EEFSEC: variants seen among roughly 807,000 people sequenced by gnomAD.
EEFSEC encodes the protein eukaryotic elongation factor, selenocysteine-tRNA specific.
Under a neutral mutation model 42.1 loss-of-function variants are expected in EEFSEC, and 43 were observed. The observed-to-expected ratio is 1.02, with a 90% CI of 0.80 to 1.32. The LOEUF (loss-of-function observed/expected upper bound fraction) is 1.32, where lower values mean the gene tolerates loss of function less well. Among genes scored for constraint, EEFSEC ranks in the 40% most tolerant of loss-of-function variants. The pLI, the probability that EEFSEC is intolerant of heterozygous loss-of-function variation, is 0.00. For synonymous variants in EEFSEC, 354 were observed against 339.1 expected, an observed-to-expected ratio of 1.04 and a Z score of -0.48; for missense variants, 745 against 803.6, an observed-to-expected ratio of 0.93 and a Z score of 0.88.
the EEFSEC span, among the ~76,000 whole-genome samples, chr3:128,415,825 C>T: frequency 4.6e-5 from 7 of 152,308 alleles, no homozygotes; most frequent in South Asian, 2.1e-4. Context: ...AGGAGAGGAG[C>T]GGTTTTGGGA....
chr3:128,325,033 G>A (rs2067049065), intron 4 of EEFSEC, among the ~76,000 whole-genome samples: 1 of 152,188 alleles, frequency 6.6e-6, no homozygotes, highest in Non-Finnish European at 1.5e-5. Context: ...GCCAGTCCGT[G>A]CACTTGTTCT....
At chr3:128,299,576 C>A (rs2066744536) in intron 4 of EEFSEC, among the ~76,000 whole-genome samples, 2 of 152,134 alleles carry the variant, frequency 1.3e-5, no homozygotes, top group South Asian at 4.1e-4. Flanking sequence ...GTTGAGTGCT[C>A]TGTGAAGACA....
chr3:128,249,245 G>A (rs1437788310), intron 2 of EEFSEC, among the ~76,000 whole-genome samples: 1 of 152,152 alleles, frequency 6.6e-6, no homozygotes, highest in Non-Finnish European at 1.5e-5. Context: ...TCTGTCCAAA[G>A]AGTAACTGAA....
At chr3:128,235,118 G>A (rs2065994857) in intron 1 of EEFSEC, among the ~76,000 whole-genome samples, 1 of 151,960 alleles carries the variant, frequency 6.6e-6, no homozygotes, top group Non-Finnish European at 1.5e-5. Flanking sequence ...AGGTTGGAGT[G>A]CAGTGGCGTG....
intron 5 of EEFSEC, among the ~76,000 whole-genome samples, chr3:128,354,844 A>G: frequency 6.6e-6 from 1 of 152,220 alleles, no homozygotes; most frequent in African/African-American, 2.4e-5. Flanking sequence ...CTGCTATCCC[A>G]GGCTCTGATT....
intron 5 of EEFSEC, among the ~76,000 whole-genome samples, chr3:128,344,874 C>T (rs371095263): frequency 7.9e-5 from 12 of 152,224 alleles, no homozygotes; most frequent in Admixed American, 5.9e-4. Context: ...TATGTAAGAG[C>T]CGACTCTCAT....
chr3:128,378,170 C>T (rs995855223), intron 6 of EEFSEC, among the ~76,000 whole-genome samples: 2 of 152,172 alleles, frequency 1.3e-5, no homozygotes, highest in African/African-American at 4.8e-5. Flanking sequence ...CAACCCTGTG[C>T]AATCCAGAGG....
intron 6 of EEFSEC, among the ~76,000 whole-genome samples, chr3:128,404,047 A>T (rs2068080913): frequency 6.6e-6 from 1 of 152,254 alleles, no homozygotes; most frequent in Non-Finnish European, 1.5e-5. Flanking sequence ...GGTTGCGAGA[A>T]GCAGAGAGTG....
intron 4 of EEFSEC, among the ~76,000 whole-genome samples, chr3:128,327,301 C>T (rs564710014): frequency 1.4e-5 from 2 of 139,910 alleles, no homozygotes; most frequent in African/African-American, 5.7e-5. Flanking sequence ...TCCCCCCCCC[C>T]CCAAGGTTGT....
Position 128,241,706 on chromosome 3 carries a change from C to T in EEFSEC, c.317-5130C>T, listed in dbSNP as rs116391693. ...GTAAGAGGAGATGAAGACATGTAGA[C>T]CACCACTGTGCATGTCATAATAGCA... is the stretch of plus-strand genomic sequence containing the variant. On this transcript the variant is annotated intron_variant, in intron 1 of 6. Coordinates refer to ENST00000254730, the MANE Select transcript of EEFSEC (RefSeq NM_021937.5). 3.4e-3 allele frequency among the ~76,000 whole-genome samples: 523 copies of T among 152,280 alleles called. 1 individual carries two copies. Among genetic ancestry groups the T allele is most frequent in the African/African-American group, 0.012 (487 of 41,568 alleles).
At chr3:128,233,741 C>T (rs960526398) in intron 1 of EEFSEC, among the ~76,000 whole-genome samples, 2 of 152,156 alleles carry the variant, frequency 1.3e-5, no homozygotes, top group Non-Finnish European at 2.9e-5. Context: ...GGCAGACAGG[C>T]GATATTGCTT....
At chr3:128,191,429 C>T (rs955182696) in intron 1 of EEFSEC, among the ~76,000 whole-genome samples, 27 of 152,216 alleles carry the variant, frequency 1.8e-4, no homozygotes, top group Middle Eastern at 3.4e-3. Context: ...TAGACTTCAG[C>T]TCACTGTGCC....
rs185371190 is a variant in EEFSEC, at chr3:128,213,742, A to T, written c.317-33094A>T. The stretch of plus-strand genomic sequence containing the variant: ...TTACTTTAATGTACGTTAGAAAAAA[A>T]TCAAATAAGTAGTACATCAAATCTG... On this transcript the variant is annotated intron_variant, in intron 1 of 6. Transcript: ENST00000254730. Among the ~76,000 whole-genome samples the T allele has an allele frequency of 1.1e-3, 171 of 151,148 alleles. 5 individuals carry two copies. The East Asian group carries it at 0.032, about 28-fold the overall frequency.
At chr3:128,252,240 C>T (rs1486261533) in intron 2 of EEFSEC, among the ~76,000 whole-genome samples, 2 of 152,222 alleles carry the variant, frequency 1.3e-5, no homozygotes, top group Non-Finnish European at 2.9e-5. Flanking sequence ...GAATGCCAAT[C>T]TCAAGGAATT....
intron 1 of EEFSEC, among the ~76,000 whole-genome samples, chr3:128,204,738 A>G (rs1224665110): frequency 6.6e-6 from 1 of 152,112 alleles, no homozygotes; most frequent in Non-Finnish European, 1.5e-5. Flanking sequence ...TCCCCAGGGC[A>G]TGGTAAGTGT....
intron 1 of EEFSEC, among the ~76,000 whole-genome samples, chr3:128,218,224 A>G (rs934680347): frequency 3.3e-5 from 5 of 152,354 alleles, no homozygotes; most frequent in African/African-American, 7.2e-5. Context: ...ACAAACCACA[A>G]CAAGTTTCAT....
intron 1 of EEFSEC, among the ~76,000 whole-genome samples, chr3:128,227,711 C>T (rs2065922206): frequency 6.6e-6 from 1 of 152,212 alleles, no homozygotes; most frequent in Non-Finnish European, 1.5e-5. Context: ...TGAGCCCGAG[C>T]TCAGTCCCAG....
chr3:128,248,902 A>G (rs2066155456), intron 2 of EEFSEC, among the ~76,000 whole-genome samples: 1 of 152,246 alleles, frequency 6.6e-6, no homozygotes, highest in African/African-American at 2.4e-5. Flanking sequence ...CATCCAGAGG[A>G]AATTGTCCAT....
At chr3:128,411,695 C>T (rs946668901), downstream of EEFSEC, among the ~76,000 whole-genome samples, 52 of 152,150 alleles carry the variant, frequency 3.4e-4, no homozygotes, top group African/African-American at 1.2e-3. Flanking sequence ...AATGCACAAA[C>T]GAAGAGATAA....
Sources: gnomAD v4.1 joint callset for allele counts (sites outside exome capture counted in the v4.1 genomes callset) on GRCh38, gnomAD v4.1.1 for gene constraint, MANE v1.5 for transcripts, NCBI Gene and HGNC (gene_info 2026-07-23, HGNC 2026-07-21) for gene names.